Variants in FAM107B observed in about 807,000 individuals in gnomAD.
FAM107B encodes the protein protein FAM107B.
A neutral mutation model predicts 31.5 loss-of-function variants in FAM107B; 21 were observed. That is an observed-to-expected ratio of 0.67 (90% CI 0.47 to 0.96). FAM107B has a LOEUF of 0.96. Ranked by LOEUF, FAM107B falls within the 40% of genes least tolerant of loss-of-function variation. The probability of loss-of-function intolerance (pLI) is 0.00; values close to 1 mark genes in which losing one functional copy is unlikely to be tolerated. For missense variants in FAM107B, 452 were observed against 377.1 expected (o/e 1.20, Z -1.64); for synonymous variants, 157 against 141.5 (o/e 1.11, Z -0.78).
At chr10:14,579,590 T>A in intron 2 of FAM107B, among the ~76,000 whole-genome samples, 1 of 152,198 alleles carries the variant, frequency 6.6e-6, no homozygotes, top group Non-Finnish European at 1.5e-5. Context: ...AATCCAGAAA[T>A]TTCTGTTAGT....
intron 2 of FAM107B, among the ~76,000 whole-genome samples, chr10:14,600,425 T>G (rs962184831): frequency 6.6e-6 from 1 of 152,170 alleles, no homozygotes; most frequent in Non-Finnish European, 1.5e-5. Context: ...GGCTCTGAAC[T>G]GATGGGCGCT....
intron 1 of FAM107B, among the ~76,000 whole-genome samples, chr10:14,718,539 G>A (rs1855835651): frequency 6.6e-6 from 1 of 150,660 alleles, no homozygotes; most frequent in African/African-American, 2.4e-5. Context: ...AGGACAGAGA[G>A]AGAGAGAGGA....
chr10:14,576,856 G>T (rs576188907), intron 2 of FAM107B, among the ~76,000 whole-genome samples: 2 of 152,318 alleles, frequency 1.3e-5, no homozygotes, highest in South Asian at 4.1e-4. Context: ...TTAGATCCCT[G>T]AATAGAGAAG....
intron 1 of FAM107B, among the ~76,000 whole-genome samples, chr10:14,708,317 G>A (rs1038592206): frequency 5.9e-5 from 9 of 151,990 alleles, no homozygotes; most frequent in Non-Finnish European, 1.3e-4. Context: ...CTGACCTTAG[G>A]TGATCCACCT....
intron 1 of FAM107B, among the ~76,000 whole-genome samples, chr10:14,731,491 G>A (rs994416549): frequency 5.9e-5 from 9 of 152,208 alleles, no homozygotes; most frequent in Non-Finnish European, 1.3e-4. Flanking sequence ...GAGCCCAGGA[G>A]GCGGAGGTTG....
At chr10:14,689,738 A>G (rs1159132138) in intron 1 of FAM107B, among the ~76,000 whole-genome samples, 1 of 152,154 alleles carries the variant, frequency 6.6e-6, no homozygotes. Context: ...AGGCAGGAGG[A>G]TCATGTAAGC....
At chr10:14,560,025 C>T (rs980891258) in intron 2 of FAM107B, among the ~76,000 whole-genome samples, 2 of 152,108 alleles carry the variant, frequency 1.3e-5, no homozygotes, top group African/African-American at 4.8e-5. Context: ...CCTTGCTTCC[C>T]CAATCTCATT....
At chr10:14,533,933 G>T (rs901688093) in intron 2 of FAM107B, among the ~76,000 whole-genome samples, 3 of 152,196 alleles carry the variant, frequency 2.0e-5, no homozygotes, top group Admixed American at 6.5e-5. Flanking sequence ...TGCAGGAGGG[G>T]GGGGCTGCGG....
intron 1 of FAM107B, among the ~76,000 whole-genome samples, chr10:14,681,350 C>A (rs940588147): frequency 1.3e-5 from 2 of 152,122 alleles, no homozygotes; most frequent in African/African-American, 2.4e-5. Flanking sequence ...ATCATCAGGG[C>A]CCTCTCTTTT....
intron 2 of FAM107B, among the ~76,000 whole-genome samples, chr10:14,568,853 G>T (rs888810301): frequency 6.6e-6 from 1 of 152,034 alleles, no homozygotes; most frequent in East Asian, 1.9e-4. Flanking sequence ...CTGGAAGGAG[G>T]GGGAGAGACA....
At chr10:14,572,438 TCAC>T (rs1851292658) in intron 2 of FAM107B, 1 of 981,072 alleles carries the variant, frequency 1.0e-6, no homozygotes, top group Non-Finnish European at 1.2e-6. Context: ...TCTTAGAGCA[TCAC>T]CACAACACCT....
At chr10:14,724,799 G>C (rs1321117851) in intron 1 of FAM107B, among the ~76,000 whole-genome samples, 1 of 152,160 alleles carries the variant, frequency 6.6e-6, no homozygotes, top group Admixed American at 6.5e-5. Context: ...ACACTGAAGA[G>C]TGAAGTCCCC....
At position 14,767,079 on chromosome 10, in the gene FAM107B, GAGAGAGAGAGAGAGAGAGAGAC is replaced by G. The variant is rs1431970613; in HGVS notation, c.411+7152_411+7173del. 1.7e-3 allele frequency among the ~76,000 whole-genome samples: 162 copies of G among 97,244 alleles called. 1 individual carries two copies. The highest frequency in any genetic ancestry group is 6.5e-3 in the African/African-American group (155 of 23,738). 63.8% of individuals were successfully genotyped at this position (97,244 alleles called of 152,430 possible). A position where few individuals can be genotyped will look rare whatever the true frequency, so the allele number is the denominator to read the frequency against. ...ATAGAGAGAGAGAGAGAGAGAGAGA[GAGAGAGAGAGAGAGAGAGAGAC>G]AGAGAGAGAGAGAGAGAGAGTTTCC... On this transcript the variant is annotated intron_variant, in intron 1 of 4. Transcript: ENST00000181796.
At chr10:14,594,499 G>GA (rs1165969030) in intron 2 of FAM107B, among the ~76,000 whole-genome samples, 1 of 71,704 alleles carries the variant, frequency 1.4e-5, no homozygotes, top group Non-Finnish European at 2.9e-5. Context: ...GCAAGACCCT[G>GA]CCAAAAAAAA....
chr10:14,572,651 T>C (rs182549561), intron 2 of FAM107B, among the ~76,000 whole-genome samples: 69 of 149,678 alleles, frequency 4.6e-4, no homozygotes, highest in African/African-American at 1.5e-3. Flanking sequence ...TTTGAGGCTG[T>C]AGTGCACTAT....
intron 1 of FAM107B, among the ~76,000 whole-genome samples, chr10:14,683,380 C>A (rs992732487): frequency 1.3e-5 from 2 of 152,168 alleles, no homozygotes; most frequent in African/African-American, 2.4e-5. Context: ...TTTGCAAAGA[C>A]AAACCATTGT....
chr10:14,595,488 C>T (rs1026828678), intron 2 of FAM107B, among the ~76,000 whole-genome samples: 2 of 122,298 alleles, frequency 1.6e-5, no homozygotes, highest in East Asian at 5.2e-4. Context: ...TACAGTGGTT[C>T]GAGCTCAGCT....
In FAM107B at chr10:14,593,346, A is replaced by C. The variant is rs889830469; in HGVS notation, c.470-62831T>G. ...TTAGGAAGATGTGACACCAGTAAAAACTGTTCTACCAGCAACCAGGGGTAG... is the reference window on the plus strand; with the variant it reads ...TTAGGAAGATGTGACACCAGTAAAACCTGTTCTACCAGCAACCAGGGGTAG... On this transcript the variant is annotated intron_variant, in intron 2 of 4. Coordinates refer to ENST00000181796, the MANE Select transcript of FAM107B (RefSeq NM_031453.4). Among the ~76,000 whole-genome samples the C allele has an allele frequency of 1.3e-4, 20 of 152,220 alleles. No individual in the cohort carries two copies. In the South Asian group the frequency reaches 1.9e-3, roughly 14 times the overall value.
intron 2 of FAM107B, among the ~76,000 whole-genome samples, chr10:14,627,029 C>T (rs764978649): frequency 1.3e-5 from 2 of 152,208 alleles, no homozygotes; most frequent in African/African-American, 2.4e-5. Context: ...CTTACCTCTC[C>T]GGATGCTCTT....
Sources: allele counts gnomAD v4.1 joint callset (sites outside exome capture counted in the v4.1 genomes callset), GRCh38; gene constraint gnomAD v4.1.1; transcripts MANE v1.5; gene names NCBI Gene and HGNC (gene_info 2026-07-23, HGNC 2026-07-21).